ABCG1: variants seen among roughly 807,000 people sequenced by gnomAD.
ABCG1 encodes the protein ATP binding cassette subfamily G member 1.
Under a neutral mutation model 69.2 loss-of-function variants are expected in ABCG1, and 29 were observed. The ratio of observed to expected loss-of-function variants is 0.42; its 90% CI spans 0.31 to 0.57. The LOEUF is 0.57. Ranked by LOEUF, ABCG1 falls within the 20% of genes least tolerant of loss-of-function variation. The pLI, the probability that ABCG1 is intolerant of heterozygous loss-of-function variation, is 0.15. For missense variants in ABCG1, 718 were observed against 898.1 expected (o/e 0.80, Z 2.56); for synonymous variants, 370 against 374.8 (o/e 0.99, Z 0.15).
chr21:42,254,285 C>T lies in ABCG1; in HGVS notation c.287-16785C>T, dbSNP rs535823264. ...CCAGTGGACTTCAGAGCACAGCATCCGTTCGAAATCCAGCGGCAGATTTTC... is the reference window on the plus strand; with the variant it reads ...CCAGTGGACTTCAGAGCACAGCATCTGTTCGAAATCCAGCGGCAGATTTTC... On this transcript the variant is annotated intron_variant, in intron 2 of 14. Coordinates refer to ENST00000398449, the MANE Select transcript of ABCG1 (RefSeq NM_016818.3). 2.7e-4 allele frequency among the ~76,000 whole-genome samples: 41 copies of T among 152,290 alleles called. No individual in the cohort carries two copies. The South Asian group carries it at 3.5e-3, about 13-fold the overall frequency.
chr21:42,214,654 G>C (rs747881494), upstream of ABCG1, among the ~76,000 whole-genome samples: 1 of 152,342 alleles, frequency 6.6e-6, no homozygotes, highest in Non-Finnish European at 1.5e-5. Flanking sequence ...ACCACTGTCA[G>C]ACAGGAGAGC....
intron 2 of ABCG1, among the ~76,000 whole-genome samples, chr21:42,257,157 G>A (rs981541721): frequency 1.3e-5 from 2 of 152,164 alleles, no homozygotes; most frequent in African/African-American, 4.8e-5. Context: ...CTTGCCCAAG[G>A]TCACACGGCT....
intron 5 of ABCG1, among the ~76,000 whole-genome samples, chr21:42,278,828 G>C (rs3787996): frequency 6.6e-6 from 1 of 151,940 alleles, no homozygotes. Context: ...TCAACAGAAC[G>C]GGGCCCTGGG....
At chr21:42,232,297 C>A (rs2067912437) in intron 2 of ABCG1, among the ~76,000 whole-genome samples, 1 of 152,236 alleles carries the variant, frequency 6.6e-6, no homozygotes, top group African/African-American at 2.4e-5. Context: ...CCCCTCCAGC[C>A]AGCACATTTT....
At chr21:42,216,196 C>T (rs149713099), upstream of ABCG1, 278 of 447,012 alleles carry the variant, frequency 6.2e-4, 3 homozygotes, top group East Asian at 0.013. Context: ...ACTGTGAGTC[C>T]GTTAAATCTC....
chr21:42,265,049 GC>G (rs1238382179), intron 2 of ABCG1, among the ~76,000 whole-genome samples: 1 of 152,230 alleles, frequency 6.6e-6, no homozygotes, highest in East Asian at 1.9e-4. Flanking sequence ...GCTTGTGCTG[GC>G]CCCCCATCCC....
chr21:42,250,063 C>T (rs904927187), intron 2 of ABCG1, among the ~76,000 whole-genome samples: 11 of 148,130 alleles, frequency 7.4e-5, no homozygotes, highest in Admixed American at 2.0e-4. Context: ...GGAAGGTGCC[C>T]GTGTGTTGTG....
intron 2 of ABCG1, among the ~76,000 whole-genome samples, chr21:42,245,545 C>A (rs2068119090): frequency 6.6e-6 from 1 of 152,178 alleles, no homozygotes; most frequent in Non-Finnish European, 1.5e-5. Context: ...GCCTCCCTGG[C>A]CAACCACGGG....
At chr21:42,224,083 G>A (rs1414491602) in intron 1 of ABCG1, among the ~76,000 whole-genome samples, 1 of 152,204 alleles carries the variant, frequency 6.6e-6, no homozygotes, top group Non-Finnish European at 1.5e-5. Flanking sequence ...AGCAGGATTG[G>A]GTAGAACCCA....
chr21:42,263,902 T>C (rs1428405018), intron 2 of ABCG1, among the ~76,000 whole-genome samples: 1 of 152,178 alleles, frequency 6.6e-6, no homozygotes, highest in African/African-American at 2.4e-5. Context: ...TTGCTCAAGG[T>C]TCATTTGTGC....
chr21:42,275,110 TC>T (rs921711975), intron 4 of ABCG1, among the ~76,000 whole-genome samples: 1 of 152,128 alleles, frequency 6.6e-6, no homozygotes, highest in Non-Finnish European at 1.5e-5. Flanking sequence ...CAAAGCTTCT[TC>T]CCCATGGTGT....
intron 2 of ABCG1, among the ~76,000 whole-genome samples, chr21:42,237,635 C>T (rs1601372322): frequency 6.6e-6 from 1 of 152,344 alleles, no homozygotes; most frequent in African/African-American, 2.4e-5. Flanking sequence ...TCACAAAAAG[C>T]TAAATCACAG....
chr21:42,206,598 G>A (rs1314517763), intron 2 of ABCG1, among the ~76,000 whole-genome samples: 2 of 152,032 alleles, frequency 1.3e-5, no homozygotes. Context: ...TGGTACTACA[G>A]GCATGGTGCC....
chr21:42,296,078 C>T lies in ABCG1; in HGVS notation c.1773-86C>T. 1.7e-6 allele frequency: 2 copies of T among 1,162,710 alleles called. No homozygotes were observed. Among genetic ancestry groups the T allele is most frequent in the South Asian group, 1.3e-5 (1 of 78,666 alleles). 72.0% of individuals were successfully genotyped at this position (1,162,710 alleles called of 1,614,324 possible). A position where few individuals can be genotyped will look rare whatever the true frequency, so the allele number is the denominator to read the frequency against. Reference sequence around the variant, plus strand: ...GGGAGGATAGCCAAGCTGGGAATCGCAGGGAGGGTGAACGACATTGACCTT... The same window carrying T: ...GGGAGGATAGCCAAGCTGGGAATCGTAGGGAGGGTGAACGACATTGACCTT... On this transcript the variant is annotated intron_variant, in intron 14 of 14. Transcript: ENST00000398449. This position sits in a 1 kb window ranked among gnomAD's most constrained non-coding sequence, Gnocchi z 5.4.
intron 2 of ABCG1, among the ~76,000 whole-genome samples, chr21:42,247,003 T>C (rs947073078): frequency 1.3e-5 from 2 of 152,096 alleles, no homozygotes; most frequent in Admixed American, 6.5e-5. Context: ...AGAAACTTTG[T>C]TTTACTTCAA....
At chr21:42,283,516 G>A (rs1273212442) in intron 6 of ABCG1, among the ~76,000 whole-genome samples, 1 of 152,182 alleles carries the variant, frequency 6.6e-6, no homozygotes, top group Non-Finnish European at 1.5e-5. Context: ...AGCCCACCTG[G>A]GCTGCAGCAA....
At chr21:42,290,855 G>A (rs568343808) in intron 11 of ABCG1, among the ~76,000 whole-genome samples, 3 of 152,320 alleles carry the variant, frequency 2.0e-5, no homozygotes, top group Non-Finnish European at 4.4e-5. Flanking sequence ...CTAAGATGAT[G>A]CTTTGTATTC....
At chr21:42,233,173 T>A (rs1245949069) in intron 2 of ABCG1, among the ~76,000 whole-genome samples, 1 of 152,202 alleles carries the variant, frequency 6.6e-6, no homozygotes, top group Non-Finnish European at 1.5e-5. Flanking sequence ...GAGTTTCACT[T>A]CCCACTTTGT....
At chr21:42,267,180 C>G (rs554420744) in intron 2 of ABCG1, among the ~76,000 whole-genome samples, 2 of 152,228 alleles carry the variant, frequency 1.3e-5, no homozygotes, top group Admixed American at 6.5e-5. Flanking sequence ...CCCAGGCTCA[C>G]AGAGGCCGGC....
Sources: gnomAD v4.1 joint callset for allele counts (sites outside exome capture counted in the v4.1 genomes callset) on GRCh38, gnomAD v4.1.1 for gene constraint, Gnocchi (gnomAD v3.1) non-coding constraint, MANE v1.5 for transcripts, NCBI Gene and HGNC (gene_info 2026-07-23, HGNC 2026-07-21) for gene names.